The following KIF26A variants were observed in gnomAD, a reference collection of about 807,000 sequenced individuals.
KIF26A encodes kinesin family member 26A, also known as kinesin-like protein KIF26A.
In KIF26A, 74 loss-of-function variants were observed where a neutral mutation model predicts 126.0. That is an observed-to-expected ratio of 0.59 (90% CI 0.49 to 0.71). KIF26A has a LOEUF of 0.71. Ranked by LOEUF, KIF26A falls within the 30% of genes least tolerant of loss-of-function variation. The probability of loss-of-function intolerance (pLI) is 0.00; values close to 1 mark genes in which losing one functional copy is unlikely to be tolerated. For missense variants in KIF26A, 2,984 were observed against 2,763.3 expected, an observed-to-expected ratio of 1.08 and a Z score of -1.79; for synonymous variants, 1,445 against 1,232.7, an observed-to-expected ratio of 1.17 and a Z score of -3.61.
intron 4 of KIF26A, among the ~76,000 whole-genome samples, chr14:104,164,895 CTG>C (rs3042565): frequency 0.16 from 24,412 of 151,236 alleles, 2,205 homozygotes; most frequent in Admixed American, 0.24. Context: ...ATATGTGTCT[CTG>C]TGTCTTTATG....
Position 104,152,618 on chromosome 14 carries a change from A to T in KIF26A, c.735+157A>T, listed in dbSNP as rs2037741244. Among the ~76,000 whole-genome samples the T allele has an allele frequency of 6.6e-6, 1 of 152,130 alleles. No individual in the cohort carries two copies. The highest frequency in any genetic ancestry group is 1.5e-5 in the Non-Finnish European group (1 of 68,014). ...GTTCCTGACACTCCTGAGGCCCCAC[A>T]TCAGATGCACCCTTGATGGTGCACA... On this transcript the variant is annotated intron_variant, in intron 3 of 14. Transcript: ENST00000423312. The surrounding 1 kb of genome is among the most constrained non-coding windows in gnomAD (Gnocchi z 5.9).
intron 5 of KIF26A, among the ~76,000 whole-genome samples, chr14:104,167,264 G>A (rs1045220301): frequency 9.2e-5 from 14 of 152,168 alleles, no homozygotes; most frequent in Admixed American, 3.3e-4. Flanking sequence ...GGGGAGTGGC[G>A]TGTCCTAGGG....
Position 104,173,821 on chromosome 14 carries a change from C to G in KIF26A, c.1983C>G (p.Gly661=). 1 of 1,602,176 alleles carries G rather than the reference C, an allele frequency of 6.2e-7. No individual in the cohort carries two copies. The highest frequency in any genetic ancestry group is 8.5e-7 in the Non-Finnish European group (1 of 1,179,034). The change falls in exon 10 of 15, where the codon GGC becomes GGG. Residue 661 remains glycine (G), a synonymous_variant. Coordinates refer to ENST00000423312, the MANE Select transcript of KIF26A (RefSeq NM_015656.2). The part of the protein sequence containing the change: ...GPLCLSLSAL[G]SVILALVNGA... ...TGTGTCTGTCCCTGTCGGCCCTGGG[C>G]AGCGTCATCTTGGCCCTGGTCAACG...
At chr14:104,147,706 T>C (rs2037692037) in intron 2 of KIF26A, among the ~76,000 whole-genome samples, 1 of 152,218 alleles carries the variant, frequency 6.6e-6, no homozygotes, top group African/African-American at 2.4e-5. Flanking sequence ...TTCCTGGACC[T>C]GTTGTCAGCT....
chr14:104,158,095 A>G (rs1271118791), intron 4 of KIF26A, among the ~76,000 whole-genome samples, 153 bp downstream of exon 4: 1 of 152,004 alleles, frequency 6.6e-6, no homozygotes, highest in Non-Finnish European at 1.5e-5. Flanking sequence ...ACAGCTGCTG[A>G]GCCGCTCACA....
Position 104,152,200 on chromosome 14 carries a change from C to T in KIF26A, c.474C>T (p.Gly158=). The T allele has an allele frequency of 6.2e-7, 1 of 1,604,136 alleles. No individual in the cohort carries two copies. Among genetic ancestry groups the T allele is most frequent in the Non-Finnish European group, 8.5e-7 (1 of 1,176,904 alleles). Reference sequence around the variant, plus strand: ...AGGACCTTGACGCCCCCCATGGAGGCCCCAGCCTCGCACCCCCCAGCACCA... The same window carrying T: ...AGGACCTTGACGCCCCCCATGGAGGTCCCAGCCTCGCACCCCCCAGCACCA... ...SHEDLDAPHG[G]PSLAPPSTTT... is the part of the protein sequence containing the mutation. Residue 158 remains glycine (G), a synonymous_variant, in exon 3 of 15, where the codon GGC becomes GGT. Coordinates refer to ENST00000423312, the MANE Select transcript of KIF26A (RefSeq NM_015656.2). The surrounding 1 kb of genome is among the most constrained non-coding windows in gnomAD (Gnocchi z 5.9).
In KIF26A at chr14:104,152,039, C is replaced by T. The variant is rs756957352; in HGVS notation, c.313C>T (p.Leu105Phe). The change falls in exon 3 of 15, where the codon CTC becomes TTC. Residue 105 changes from leucine (L) to phenylalanine (F), a missense_variant. Physicochemically the swap from Leu to Phe is conservative, Grantham distance 22. Coordinates refer to ENST00000423312, the MANE Select transcript of KIF26A (RefSeq NM_015656.2). This position sits in a 1 kb window ranked among gnomAD's most constrained non-coding sequence, Gnocchi z 5.9. ...LRDPCLSALL[L>F]DKLPAPGALP... is the part of the protein sequence containing the mutation. ...GGATCCTTGCCTCTCTGCCCTGCTT[C>T]TCGACAAGCTACCAGCACCTGGGGC... The T allele has an allele frequency of 1.6e-5, 25 of 1,612,530 alleles. No homozygotes were observed. In the African/African-American group the frequency reaches 2.5e-4, roughly 16 times the overall value.
rs745765923 is a variant in KIF26A, at chr14:104,177,519, C to T, written c.4731C>T (p.Gly1577=). The change falls in exon 12 of 15, where the codon GGC becomes GGT. Residue 1577 remains glycine, a synonymous_variant. Transcript: ENST00000423312. ...VHELSASGAP[G]RGGSSWGSAD... The stretch of plus-strand genomic sequence containing the variant: ...AGCTGTCAGCCAGTGGAGCCCCGGG[C>T]CGAGGTGGCTCCTCGTGGGGCTCGG... 2 of 1,535,848 alleles carry T rather than the reference C, an allele frequency of 1.3e-6. No individual in the cohort carries two copies. Among genetic ancestry groups the T allele is most frequent in the Non-Finnish European group, 1.7e-6 (2 of 1,146,464 alleles).
intron 3 of KIF26A, among the ~76,000 whole-genome samples, chr14:104,154,427 G>A (rs755281836): frequency 1.3e-5 from 2 of 152,198 alleles, no homozygotes; most frequent in African/African-American, 4.8e-5. Context: ...GGCCTCCTGC[G>A]GCCACAGGTG....
intron 5 of KIF26A, among the ~76,000 whole-genome samples, chr14:104,170,073 C>T (rs1188966020): frequency 1.3e-5 from 2 of 152,188 alleles, no homozygotes; most frequent in African/African-American, 2.4e-5. Flanking sequence ...CGATTAATGC[C>T]GCTGGTGGAA....
Position 104,179,736 on chromosome 14 carries a change from C to T in KIF26A, c.5595C>T (p.Asp1865=), listed in dbSNP as rs1319030768. The change falls in exon 15 of 15, where the codon GAC becomes GAT. Residue 1865 remains aspartate (D), a synonymous_variant. Coordinates refer to ENST00000423312, the MANE Select transcript of KIF26A (RefSeq NM_015656.2). The stretch of plus-strand genomic sequence containing the variant: ...ACGTCATGATGGTCACCTGCTTCGA[C>T]ATCAGCGTTGCAGCCAGTGCTGCCA... ...KAHVMMVTCF[D]ISVAASAAIP... 1.5e-5 allele frequency: 23 copies of T among 1,554,750 alleles called. No individual in the cohort carries two copies. Among genetic ancestry groups the T allele is most frequent in the Non-Finnish European group, 2.0e-5 (23 of 1,149,808 alleles).
chr14:104,141,399 A>T (rs1207596029), intron 2 of KIF26A, among the ~76,000 whole-genome samples: 1 of 152,202 alleles, frequency 6.6e-6, no homozygotes, highest in Non-Finnish European at 1.5e-5. Flanking sequence ...CTTCACAATC[A>T]TCCATCTGTC....
chr14:104,165,101 GTC>G lies in KIF26A; in HGVS notation c.924-1754_924-1753del, dbSNP rs1208602854. On this transcript the variant is annotated intron_variant, in intron 4 of 14. Coordinates refer to ENST00000423312, the MANE Select transcript of KIF26A (RefSeq NM_015656.2). The stretch of plus-strand genomic sequence containing the variant: ...CATGTGTGTGTTTCTATGTGTGTGT[GTC>G]TCTGTGTGTGTGTCTCTGCATGTAT... Among the ~76,000 whole-genome samples the G allele has an allele frequency of 1.1e-4, 16 of 148,104 alleles. 1 individual carries two copies. The highest frequency in any genetic ancestry group is 2.0e-4 in the Admixed American group (3 of 15,078).
rs199886466 is a variant in KIF26A at position 104,157,899 on chromosome 14, G to A, written c.880G>A (p.Gly294Arg). The A allele has an allele frequency of 1.2e-5, 19 of 1,564,730 alleles. No homozygotes were observed. In the African/African-American group the frequency reaches 1.5e-4, roughly 12 times the overall value. The change falls in exon 4 of 15, where the codon GGG becomes AGG. Residue 294 changes from glycine (G) to arginine (R), a missense_variant. By Grantham distance (125) the Gly-to-Arg change is moderately radical (BLOSUM62 -2). Transcript: ENST00000423312. ...ALVTPTPGSVGGSTGPSAAAS... is the reference protein window; with the variant it reads ...ALVTPTPGSVRGSTGPSAAAS... ...GGTCACCCCCACCCCGGGCTCGGTGGGGGGCTCCACAGGCCCCTCAGCTGC... is the reference window on the plus strand; with the variant it reads ...GGTCACCCCCACCCCGGGCTCGGTGAGGGGCTCCACAGGCCCCTCAGCTGC...
chr14:104,139,728 G>C (rs2037619063), intron 2 of KIF26A, among the ~76,000 whole-genome samples: 1 of 152,226 alleles, frequency 6.6e-6, no homozygotes, highest in Non-Finnish European at 1.5e-5. Flanking sequence ...CTGGGGCCGG[G>C]GGGCCTGGCA....
At chr14:104,172,805 G>T in intron 7 of KIF26A, 137 bp downstream of exon 7, 1 of 1,096,492 alleles carries the variant, frequency 9.1e-7, no homozygotes, top group Non-Finnish European at 1.3e-6. Flanking sequence ...TGGGGTGAGG[G>T]GCTTGTGGAG....
intron 11 of KIF26A, 46 bp from the exon 12 acceptor site, chr14:104,174,936 C>T (rs777332164): frequency 8.5e-5 from 124 of 1,461,904 alleles, no homozygotes; most frequent in Admixed American, 2.4e-4. Flanking sequence ...GAAGCGGGGG[C>T]GTGTAGGGGA....
At position 104,175,130 on chromosome 14, in the gene KIF26A, C is replaced by G; in HGVS notation, c.2342C>G (p.Ser781Cys). 6.2e-7 allele frequency: 1 copy of G among 1,607,056 alleles called. No individual in the cohort carries two copies. Among genetic ancestry groups the G allele is most frequent in the Non-Finnish European group, 8.5e-7 (1 of 1,177,750 alleles). Residue 781 changes from serine to cysteine, a missense_variant, in exon 12 of 15, where the codon TCC (serine) becomes TGC (cysteine). Physicochemically the swap from Ser to Cys is moderately radical, Grantham distance 112. Transcript: ENST00000423312. Reference protein sequence around the residue: ...PCLPGDPDYSSSSEQSCDTVI... With the variant: ...PCLPGDPDYSCSSEQSCDTVI... ...CTGCCCGGTGACCCCGATTACTCCT[C>G]CAGCAGCGAGCAGTCCTGTGACACG...
At position 104,152,275 on chromosome 14, in the gene KIF26A, G is replaced by A; in HGVS notation, c.549G>A (p.Gln183=). The A allele has an allele frequency of 6.3e-7, 1 of 1,589,888 alleles. No homozygotes were observed. The highest frequency in any genetic ancestry group is 8.5e-7 in the Non-Finnish European group (1 of 1,170,514). ...TPGPAGPAGR[Q]PGRAGPDRTK... ...GACCAGCGGGTCCTGCAGGGAGGCA[G>A]CCAGGACGAGCTGGGCCAGACAGGA... The change falls in exon 3 of 15, where the codon CAG becomes CAA. Residue 183 remains glutamine, a synonymous_variant. Coordinates refer to ENST00000423312, the MANE Select transcript of KIF26A (RefSeq NM_015656.2). The surrounding 1 kb of genome is among the most constrained non-coding windows in gnomAD (Gnocchi z 5.9).
Sources: allele counts gnomAD v4.1 joint callset (sites outside exome capture counted in the v4.1 genomes callset), GRCh38; gene constraint gnomAD v4.1.1; non-coding constraint Gnocchi (gnomAD v3.1); transcripts MANE v1.5; gene names NCBI Gene and HGNC (gene_info 2026-07-23, HGNC 2026-07-21).